Variants in CCDC6 observed in about 807,000 individuals in gnomAD.
The protein encoded by CCDC6 is coiled-coil domain containing 6, also known as coiled-coil domain-containing protein 6.
A neutral mutation model predicts 56.6 loss-of-function variants in CCDC6; 20 were observed. The ratio of observed to expected loss-of-function variants is 0.35; its 90% CI spans 0.25 to 0.51. The LOEUF (loss-of-function observed/expected upper bound fraction) is 0.51, where lower values mean the gene tolerates loss of function less well. CCDC6 is among the 20% of genes least tolerant of loss of function. The pLI, the probability that CCDC6 is intolerant of heterozygous loss-of-function variation, is 0.95. For missense variants in CCDC6, 367 were observed against 601.1 expected (o/e 0.61, Z 4.07); for synonymous variants, 241 against 234.4 (o/e 1.03, Z -0.26).
chr10:59,795,926 A>G (rs2070514245), intron 7 of CCDC6, among the ~76,000 whole-genome samples: 4 of 152,186 alleles, frequency 2.6e-5, no homozygotes, highest in East Asian at 3.9e-4. Context: ...GAATAGTGCC[A>G]CAATAAACAT....
chr10:59,897,135 G>A (rs1125168), intron 1 of CCDC6, among the ~76,000 whole-genome samples: 2 of 152,102 alleles, frequency 1.3e-5, no homozygotes, highest in South Asian at 2.1e-4. Context: ...GTGAAGACAC[G>A]ATGTTTTGAC....
chr10:59,870,555 C>T (rs1018933616), intron 1 of CCDC6, among the ~76,000 whole-genome samples: 3 of 146,438 alleles, frequency 2.0e-5, no homozygotes, highest in African/African-American at 7.7e-5. Context: ...TTTCTTCATC[C>T]TCTTTTTGAA....
At chr10:59,797,652 G>C (rs999305563) in intron 7 of CCDC6, among the ~76,000 whole-genome samples, 13 of 125,012 alleles carry the variant, frequency 1.0e-4, no homozygotes, top group African/African-American at 5.0e-4. Flanking sequence ...GTGTGGGCAT[G>C]AGTGAGTGAG....
At chr10:59,874,045 A>C (rs1564753816) in intron 1 of CCDC6, among the ~76,000 whole-genome samples, 1 of 152,106 alleles carries the variant, frequency 6.6e-6, no homozygotes, top group Non-Finnish European at 1.5e-5. Flanking sequence ...TAATACTGAA[A>C]GAAAACGAAG....
chr10:59,882,046 CCAGGGGGAGAAGGAAAGGAAAGCCGCG>C lies in CCDC6; in HGVS notation c.303+24049_303+24075del, dbSNP rs2071341974. On this transcript the variant is annotated intron_variant, in intron 1 of 8. Coordinates refer to ENST00000263102, the MANE Select transcript of CCDC6 (RefSeq NM_005436.5). ...AGCCGCGGGGAGAAGGAAAGGAAAGCCAGGGGGAGAAGGAAAGGAAAGCCGCGGGGAGAAGGAAAGGAAAGCCGGGGG... is the reference window on the plus strand; with the variant it reads ...AGCCGCGGGGAGAAGGAAAGGAAAGCGGGAGAAGGAAAGGAAAGCCGGGGG... 6.8e-5 allele frequency among the ~76,000 whole-genome samples: 8 copies of C among 117,722 alleles called. 1 individual carries two copies. Among genetic ancestry groups the C allele is most frequent in the Non-Finnish European group, 8.3e-5 (5 of 60,190 alleles). The allele number at this position is 117,722 out of a possible 152,430, so 77.2% of individuals were successfully genotyped here. A position where few individuals can be genotyped will look rare whatever the true frequency, so the allele number is the denominator to read the frequency against.
intron 1 of CCDC6, among the ~76,000 whole-genome samples, chr10:59,904,824 C>T (rs1176120849): frequency 6.6e-6 from 1 of 152,230 alleles, no homozygotes; most frequent in Non-Finnish European, 1.5e-5. Context: ...ATTAAGAATG[C>T]CATCTAGTTC....
In CCDC6 at chr10:59,790,143, T is replaced by C. The variant is rs1589030005; in HGVS notation, c.*2774A>G. On this transcript the variant is annotated 3_prime_UTR_variant, in exon 9 of 9. Transcript: ENST00000263102. Reference sequence around the variant, plus strand: ...GTTCAGAGCCCAAAGAGGTGTCAGGTATTAGGTAAGTTAATTTGGTTTTGT... The same window carrying C: ...GTTCAGAGCCCAAAGAGGTGTCAGGCATTAGGTAAGTTAATTTGGTTTTGT... 4.6e-6 allele frequency: 1 copy of C among 215,318 alleles called. No individual in the cohort carries two copies. The highest frequency in any genetic ancestry group is 2.3e-5 in the African/African-American group (1 of 44,334). The allele number at this position is 215,318 out of a possible 1,614,324, so 13.3% of individuals were successfully genotyped here.
At chr10:59,890,747 T>A (rs1475971852) in intron 1 of CCDC6, among the ~76,000 whole-genome samples, 1 of 152,158 alleles carries the variant, frequency 6.6e-6, no homozygotes, top group Non-Finnish European at 1.5e-5. Context: ...TTTTTATTAT[T>A]ATACTTTAAG....
intron 2 of CCDC6, among the ~76,000 whole-genome samples, chr10:59,843,482 G>T (rs2070960634): frequency 6.6e-6 from 1 of 152,198 alleles, no homozygotes; most frequent in Non-Finnish European, 1.5e-5. Context: ...AAGATTTCAA[G>T]GTTGGCTTTT....
chr10:59,873,136 C>G (rs2132669889), intron 1 of CCDC6, among the ~76,000 whole-genome samples: 1 of 152,234 alleles, frequency 6.6e-6, no homozygotes, highest in East Asian at 1.9e-4. Context: ...GGTAGGTGCT[C>G]AGTACCTTTC....
chr10:59,792,734 G>A lies in CCDC6; in HGVS notation c.*183C>T, dbSNP rs746920973. 1 of 785,566 alleles carries A rather than the reference G, an allele frequency of 1.3e-6. No homozygotes were observed. Among genetic ancestry groups the A allele is most frequent in the Non-Finnish European group, 2.3e-6 (1 of 436,424 alleles). The allele number at this position is 785,566 out of a possible 1,614,324, so 48.7% of individuals were successfully genotyped here. ...TGATGGAAAAAGTCGTCTGGTTAGTGTTGTAGACCCACAACACTGGCTGCA... is the reference window on the plus strand; with the variant it reads ...TGATGGAAAAAGTCGTCTGGTTAGTATTGTAGACCCACAACACTGGCTGCA... On this transcript the variant is annotated 3_prime_UTR_variant, in exon 9 of 9. Coordinates refer to ENST00000263102, the MANE Select transcript of CCDC6 (RefSeq NM_005436.5).
intron 2 of CCDC6, among the ~76,000 whole-genome samples, chr10:59,838,346 G>C (rs186142808): frequency 5.5e-4 from 83 of 152,114 alleles, no homozygotes; most frequent in African/African-American, 1.9e-3. Flanking sequence ...ATCTCCCCAG[G>C]TCCACTGTAG....
chr10:59,891,817 T>C (rs573831039), intron 1 of CCDC6, among the ~76,000 whole-genome samples: 72 of 152,284 alleles, frequency 4.7e-4, no homozygotes, highest in African/African-American at 1.7e-3. Flanking sequence ...TAAAATAGCC[T>C]CCTTGCCCTC....
At chr10:59,903,070 C>A (rs1176170657) in intron 1 of CCDC6, among the ~76,000 whole-genome samples, 1 of 152,128 alleles carries the variant, frequency 6.6e-6, no homozygotes. Flanking sequence ...AGTCTGCATA[C>A]TGTATGATTC....
intron 2 of CCDC6, among the ~76,000 whole-genome samples, chr10:59,839,407 C>T (rs188336018): frequency 3.9e-5 from 6 of 152,276 alleles, no homozygotes; most frequent in South Asian, 2.1e-4. Flanking sequence ...TAAATGATAA[C>T]GTCCTCACTT....
In CCDC6 at chr10:59,882,049, G is replaced by GAAGGAAAGGAAAGCC. The variant is rs1554887346; in HGVS notation, c.303+24072_303+24073insGGCTTTCCTTTCCTT. 4.6e-3 allele frequency among the ~76,000 whole-genome samples: 187 copies of GAAGGAAAGGAAAGCC among 41,026 alleles called. 43 individuals carry two copies. Among genetic ancestry groups the GAAGGAAAGGAAAGCC allele is most frequent in the African/African-American group, 0.02 (160 of 7,960 alleles). The allele number at this position is 41,026 out of a possible 152,430, so 26.9% of individuals were successfully genotyped here. On this transcript the variant is annotated intron_variant, in intron 1 of 8. Transcript: ENST00000263102. The stretch of plus-strand genomic sequence containing the variant: ...CGCGGGGAGAAGGAAAGGAAAGCCA[G>GAAGGAAAGGAAAGCC]GGGGAGAAGGAAAGGAAAGCCGCGG...
intron 2 of CCDC6, among the ~76,000 whole-genome samples, chr10:59,836,974 G>T (rs190061806): frequency 6.6e-6 from 1 of 152,174 alleles, no homozygotes; most frequent in Non-Finnish European, 1.5e-5. Flanking sequence ...GCATTTTCTT[G>T]TATCATCCAC....
Position 59,791,953 on chromosome 10 carries a change from G to A in CCDC6, c.*964C>T, listed in dbSNP as rs2070471268. ...TTTCTGGCCATTATGCCAAGATAATGCGATAATGTCCATTTCAAATAGTAT... is the reference window on the plus strand; with the variant it reads ...TTTCTGGCCATTATGCCAAGATAATACGATAATGTCCATTTCAAATAGTAT... On this transcript the variant is annotated 3_prime_UTR_variant, in exon 9 of 9. Transcript: ENST00000263102. The A allele has an allele frequency of 4.5e-6, 1 of 221,004 alleles. No individual in the cohort carries two copies. The highest frequency in any genetic ancestry group is 9.1e-6 in the Non-Finnish European group (1 of 110,210). The allele number at this position is 221,004 out of a possible 1,614,324, so 13.7% of individuals were successfully genotyped here. A position where few individuals can be genotyped will look rare whatever the true frequency, so the allele number is the denominator to read the frequency against.
chr10:59,883,734 C>T (rs2071363213), intron 1 of CCDC6, among the ~76,000 whole-genome samples: 1 of 152,196 alleles, frequency 6.6e-6, no homozygotes, highest in Non-Finnish European at 1.5e-5. Context: ...AACACACTTT[C>T]CTCTAAAACT....
Sources: gnomAD v4.1 joint callset for allele counts (sites outside exome capture counted in the v4.1 genomes callset) on GRCh38, gnomAD v4.1.1 for gene constraint, MANE v1.5 for transcripts, NCBI Gene and HGNC (gene_info 2026-07-23, HGNC 2026-07-21) for gene names.